ADAMTS2: variants seen among roughly 807,000 people sequenced by gnomAD.
The protein encoded by ADAMTS2 is A disintegrin and metalloproteinase with thrombospondin motifs 2.
Under a neutral mutation model 123.0 loss-of-function variants are expected in ADAMTS2, and 50 were observed. The observed-to-expected ratio is 0.41, with a 90% CI of 0.32 to 0.51. ADAMTS2 has a LOEUF of 0.51. Among genes scored for constraint, ADAMTS2 ranks in the 20% least tolerant of loss-of-function variants. The pLI is 0.35. For synonymous variants in ADAMTS2, 678 were observed against 695.4 expected (o/e 0.98, Z 0.39); for missense variants, 1,494 against 1,705.2 (o/e 0.88, Z 2.18).
rs1756705791 is a variant in ADAMTS2 at position 179,307,280 on chromosome 5, G to A, written c.535-34216C>T. 6.6e-6 allele frequency among the ~76,000 whole-genome samples: 1 copy of A among 152,180 alleles called. No individual in the cohort carries two copies. Among genetic ancestry groups the A allele is most frequent in the Non-Finnish European group, 1.5e-5 (1 of 68,034 alleles). ...CACCCTGCAAGCCTCAGCCTTCAGGGACGGCAAGACCTGGGGCCCACAGGA... is the reference window on the plus strand; with the variant it reads ...CACCCTGCAAGCCTCAGCCTTCAGGAACGGCAAGACCTGGGGCCCACAGGA... On this transcript the variant is annotated intron_variant, in intron 2 of 21. Coordinates refer to ENST00000251582, the MANE Select transcript of ADAMTS2 (RefSeq NM_014244.5). The surrounding 1 kb of genome is among the most constrained non-coding windows in gnomAD (Gnocchi z 5.6).
chr5:179,192,194 TGC>T (rs1764320775), intron 4 of ADAMTS2, among the ~76,000 whole-genome samples: 2 of 152,112 alleles, frequency 1.3e-5, no homozygotes, highest in African/African-American at 4.8e-5. Flanking sequence ...GCCATCACCT[TGC>T]ACTGTGCCCC....
chr5:179,216,593 G>A (rs955622459), intron 3 of ADAMTS2, among the ~76,000 whole-genome samples: 6 of 152,196 alleles, frequency 3.9e-5, no homozygotes, highest in African/African-American at 9.6e-5. Context: ...CCTTGCTCAC[G>A]ACTTCCCCAG....
chr5:179,201,794 T>C (rs182020297), intron 4 of ADAMTS2, among the ~76,000 whole-genome samples: 94 of 152,158 alleles, frequency 6.2e-4, no homozygotes, highest in African/African-American at 2.2e-3. Flanking sequence ...AGAGTGAGAC[T>C]CTGTCTCACA....
chr5:179,128,415 G>T lies in ADAMTS2; in HGVS notation c.2458-297C>A, dbSNP rs1008471850. Among the ~76,000 whole-genome samples, 2 of 152,106 alleles carry T rather than the reference G, an allele frequency of 1.3e-5. No individual in the cohort carries two copies. The highest frequency in any genetic ancestry group is 4.8e-5 in the African/African-American group (2 of 41,418). On this transcript the variant is annotated intron_variant, in intron 16 of 21. Coordinates refer to ENST00000251582, the MANE Select transcript of ADAMTS2 (RefSeq NM_014244.5). This position sits in a 1 kb window ranked among gnomAD's most constrained non-coding sequence, Gnocchi z 4.9. ...GTTTGTTTTTGTTTGTTTTTGAGAT[G>T]GAGTTTCGCTCTTGTAGCCCAGGCT...
Position 179,130,092 on chromosome 5 carries a change from T to C in ADAMTS2, c.2297A>G (p.Lys766Arg). 1.9e-6 allele frequency: 3 copies of C among 1,614,014 alleles called. No individual in the cohort carries two copies. The highest frequency in any genetic ancestry group is 1.1e-5 in the South Asian group (1 of 91,080). The part of the protein sequence containing the change: ...VDATSHHLAV[K>R]NLETGKFILN... ...GATGAACTTGCCTGTCTCCAGGTTC[T>C]TGACGGCTGAGAATGGCAAGACCAA... The change falls in exon 16 of 22, where the codon AAG (lysine) becomes AGG (arginine). Residue 766 changes from lysine to arginine, a missense_variant. By Grantham distance (26) the Lys-to-Arg change is conservative. This residue lies in a region of ADAMTS2 where 953 missense variants were observed against 1,124.7 expected (regional missense o/e 0.85). Coordinates refer to ENST00000251582, the MANE Select transcript of ADAMTS2 (RefSeq NM_014244.5). The surrounding 1 kb of genome is among the most constrained non-coding windows in gnomAD (Gnocchi z 4.3).
chr5:179,274,852 G>C (rs907838675), intron 2 of ADAMTS2, among the ~76,000 whole-genome samples: 1 of 152,248 alleles, frequency 6.6e-6, no homozygotes, highest in Non-Finnish European at 1.5e-5. Flanking sequence ...GGAACACAGA[G>C]CCCAGCATCA....
In ADAMTS2 at chr5:179,234,914, G is replaced by C. The variant is rs1256233450; in HGVS notation, c.689-27199C>G. ...CTAGCAGACCCGTGCGGGAGTGCGA[G>C]CACACTGGCTAGGGCCTCCTGATGG... On this transcript the variant is annotated intron_variant, in intron 3 of 21. Coordinates refer to ENST00000251582, the MANE Select transcript of ADAMTS2 (RefSeq NM_014244.5). The surrounding 1 kb of genome is among the most constrained non-coding windows in gnomAD (Gnocchi z 4.7). Among the ~76,000 whole-genome samples the C allele has an allele frequency of 1.3e-5, 2 of 152,190 alleles. No individual in the cohort carries two copies. The highest frequency in any genetic ancestry group is 2.9e-5 in the Non-Finnish European group (2 of 68,042).
In ADAMTS2 at chr5:179,205,834, C is replaced by T. The variant is rs528530383; in HGVS notation, c.891+1679G>A. 2.4e-4 allele frequency among the ~76,000 whole-genome samples: 36 copies of T among 151,780 alleles called. No individual in the cohort carries two copies. The East Asian group carries it at 3.5e-3, about 15-fold the overall frequency. ...TCACTGAGGCTAGAGTGCAGTGGTG[C>T]GATCTCAGCTCACTGCAAGCTCCGC... On this transcript the variant is annotated intron_variant, in intron 4 of 21. Transcript: ENST00000251582.
chr5:179,140,799 CTTTTTTTT>C (rs770094463), intron 10 of ADAMTS2, among the ~76,000 whole-genome samples: 2 of 90,464 alleles, frequency 2.2e-5, no homozygotes, highest in Admixed American at 2.7e-4. Context: ...ACTGCATGCT[CTTTTTTTT>C]TTTTTTTTTT....
chr5:179,161,704 A>C (rs1409781832), intron 5 of ADAMTS2, among the ~76,000 whole-genome samples: 1 of 152,224 alleles, frequency 6.6e-6, no homozygotes, highest in Non-Finnish European at 1.5e-5. Flanking sequence ...CCCAACACAA[A>C]GAAATGATAA....
intron 10 of ADAMTS2, among the ~76,000 whole-genome samples, chr5:179,148,951 T>C (rs907087274): frequency 2.1e-5 from 1 of 47,532 alleles, no homozygotes; most frequent in Non-Finnish European, 4.0e-5. Flanking sequence ...TGGGGGGTCC[T>C]AGCCATCTCT....
chr5:179,151,548 T>C (rs539694824), intron 10 of ADAMTS2, among the ~76,000 whole-genome samples: 12 of 152,314 alleles, frequency 7.9e-5, no homozygotes, highest in African/African-American at 2.6e-4. Flanking sequence ...TTAGCTCATC[T>C]GCATATGCCA....
intron 2 of ADAMTS2, among the ~76,000 whole-genome samples, chr5:179,289,990 G>C (rs1429426382): frequency 2.0e-5 from 3 of 152,234 alleles, no homozygotes; most frequent in Non-Finnish European, 4.4e-5. Flanking sequence ...GATCCTGAGG[G>C]GGAGCCTGAA....
At chr5:179,124,909 G>T in intron 19 of ADAMTS2, 64 bp downstream of exon 19, 3 of 1,596,912 alleles carry the variant, frequency 1.9e-6, no homozygotes, top group South Asian at 1.1e-5. Context: ...CGCACGGAGC[G>T]CACCTGCATG....
intron 5 of ADAMTS2, among the ~76,000 whole-genome samples, chr5:179,164,632 A>G (rs1648094073): frequency 6.6e-6 from 1 of 152,134 alleles, no homozygotes; most frequent in African/African-American, 2.4e-5. Context: ...TTTCCTGGCC[A>G]GCTTGCTCGT....
intron 3 of ADAMTS2, among the ~76,000 whole-genome samples, chr5:179,220,559 C>T (rs983158768): frequency 6.6e-6 from 1 of 152,124 alleles, no homozygotes; most frequent in African/African-American, 2.4e-5. Context: ...GAGTGGGGCC[C>T]GCATGCAGCC....
intron 10 of ADAMTS2, among the ~76,000 whole-genome samples, chr5:179,149,162 C>T (rs1489610190): frequency 6.6e-6 from 1 of 152,192 alleles, no homozygotes; most frequent in African/African-American, 2.4e-5. Context: ...TGGTGAAGCC[C>T]TAACCCCCAG....
chr5:179,182,445 C>G (rs987303392), intron 4 of ADAMTS2, among the ~76,000 whole-genome samples: 2 of 152,158 alleles, frequency 1.3e-5, no homozygotes, highest in South Asian at 2.1e-4. Flanking sequence ...ATCTGAGCAA[C>G]AGTGATTGCT....
chr5:179,137,839 G>A lies in ADAMTS2; in HGVS notation c.1881C>T (p.Cys627=), dbSNP rs762965208. 13 of 1,572,390 alleles carry A rather than the reference G, an allele frequency of 8.3e-6. No individual in the cohort carries two copies. In the South Asian group the frequency reaches 9.4e-5, roughly 11 times the overall value. Residue 627 remains cysteine, a synonymous_variant, in exon 12 of 22, where the codon TGC becomes TGT. Coordinates refer to ENST00000251582, the MANE Select transcript of ADAMTS2 (RefSeq NM_014244.5). ...GCTCGAAGTACAGGTCCCACTGGCGGCACTGCTCCTCGCGGAAGTCAGCCA... is the reference window on the plus strand; with the variant it reads ...GCTCGAAGTACAGGTCCCACTGGCGACACTGCTCCTCGCGGAAGTCAGCCA... ...DSLADFREEQ[C]RQWDLYFEHG...
Sources: allele counts gnomAD v4.1 joint callset (sites outside exome capture counted in the v4.1 genomes callset), GRCh38; gene constraint gnomAD v4.1.1; regional missense constraint gnomAD v4.1.1; non-coding constraint Gnocchi (gnomAD v3.1); transcripts MANE v1.5; gene names NCBI Gene and HGNC (gene_info 2026-07-23, HGNC 2026-07-21).